Variants in USH2A observed in about 807,000 individuals in gnomAD.
USH2A encodes the protein usherin, also known as Usher syndrome 2A (autosomal recessive, mild).
USH2A carries 443 observed loss-of-function variants against 538.9 expected under a neutral mutation model. The observed-to-expected ratio is 0.82, with a 90% CI of 0.76 to 0.89. USH2A has a LOEUF of 0.89. USH2A is among the 40% of genes least tolerant of loss of function. USH2A has a pLI of 0.00. For missense variants in USH2A, 6,633 were observed against 6,324.8 expected (o/e 1.05, Z -1.65); for synonymous variants, 2,413 against 2,273.5 (o/e 1.06, Z -1.75).
intron 19 of USH2A, among the ~76,000 whole-genome samples, chr1:216,193,488 A>T (rs1042809462): frequency 6.6e-6 from 1 of 152,056 alleles, no homozygotes; most frequent in African/African-American, 2.4e-5. Flanking sequence ...AAAATGGCAA[A>T]CCTATTAGTA....
At chr1:216,374,216 C>A (rs995068500) in intron 3 of USH2A, among the ~76,000 whole-genome samples, 1 of 150,832 alleles carries the variant, frequency 6.6e-6, no homozygotes, top group African/African-American at 2.4e-5. Context: ...AACAAGCCTG[C>A]ACATTGTGCA....
chr1:215,893,717 C>T (rs1665260154), intron 40 of USH2A, among the ~76,000 whole-genome samples: 1 of 152,070 alleles, frequency 6.6e-6, no homozygotes, highest in African/African-American at 2.4e-5. Context: ...ATTACAAGCA[C>T]TCTATATTTG....
intron 44 of USH2A, among the ~76,000 whole-genome samples, chr1:215,848,157 G>A (rs1663916015): frequency 6.6e-6 from 1 of 152,130 alleles, no homozygotes; most frequent in Non-Finnish European, 1.5e-5. Flanking sequence ...TGGGTGTAGT[G>A]AGTGCAAACG....
chr1:215,941,460 G>A (rs972038946), intron 37 of USH2A, among the ~76,000 whole-genome samples: 9 of 151,362 alleles, frequency 5.9e-5, no homozygotes, highest in African/African-American at 2.2e-4. Flanking sequence ...TATTTTTTTT[G>A]CCATTTGGGC....
At chr1:216,272,112 C>T (rs1273701549) in intron 11 of USH2A, among the ~76,000 whole-genome samples, 1 of 152,042 alleles carries the variant, frequency 6.6e-6, no homozygotes, top group Admixed American at 6.6e-5. Flanking sequence ...GTGGCAAATT[C>T]ATTAGTGAAG....
At chr1:216,173,302 T>A (rs1346787647) in intron 21 of USH2A, among the ~76,000 whole-genome samples, 1 of 152,102 alleles carries the variant, frequency 6.6e-6, no homozygotes, top group African/African-American at 2.4e-5. Context: ...ACTTAGTATA[T>A]ACATGGTTAT....
chr1:215,630,520 A>G (rs1193552636), intron 70 of USH2A, among the ~76,000 whole-genome samples: 18 of 112,374 alleles, frequency 1.6e-4, no homozygotes, highest in African/African-American at 4.7e-4. Flanking sequence ...ATATATATAT[A>G]TATATATGAG....
At chr1:216,276,889 T>C (rs2036680378) in intron 11 of USH2A, among the ~76,000 whole-genome samples, 1 of 152,112 alleles carries the variant, frequency 6.6e-6, no homozygotes, top group East Asian at 1.9e-4. Flanking sequence ...CACGTGGGAA[T>C]TATGGGAGCT....
At chr1:216,270,627 T>C (rs926310852) in intron 11 of USH2A, among the ~76,000 whole-genome samples, 3 of 152,132 alleles carry the variant, frequency 2.0e-5, no homozygotes, top group Non-Finnish European at 4.4e-5. Context: ...AACCAGCTAT[T>C]GTATACTGAA....
intron 44 of USH2A, among the ~76,000 whole-genome samples, chr1:215,850,856 CA>C (rs1329269851): frequency 6.6e-6 from 1 of 152,070 alleles, no homozygotes; most frequent in African/African-American, 2.4e-5. Context: ...TTTCAGATCA[CA>C]GTGGAATAAA....
intron 27 of USH2A, among the ~76,000 whole-genome samples, chr1:216,076,382 G>T (rs1229203996): frequency 6.6e-6 from 1 of 151,986 alleles, no homozygotes; most frequent in East Asian, 1.9e-4. Flanking sequence ...TTCCCTTTGG[G>T]TCTATGGTGA....
At chr1:216,048,882 C>G (rs1245097297) in intron 30 of USH2A, among the ~76,000 whole-genome samples, 2 of 152,208 alleles carry the variant, frequency 1.3e-5, no homozygotes, top group African/African-American at 4.8e-5. Flanking sequence ...AAACAGCTCT[C>G]AAACAGCATC....
At chr1:216,042,753 G>A (rs1051313149) in intron 32 of USH2A, among the ~76,000 whole-genome samples, 1 of 152,018 alleles carries the variant, frequency 6.6e-6, no homozygotes, top group African/African-American at 2.4e-5. Flanking sequence ...TCTGTAGATA[G>A]CTAAACTTTA....
intron 37 of USH2A, among the ~76,000 whole-genome samples, chr1:215,939,776 T>C (rs1666591556): frequency 6.6e-6 from 1 of 152,118 alleles, no homozygotes; most frequent in African/African-American, 2.4e-5. Flanking sequence ...AATTTTTTTT[T>C]CTCTGTGCTG....
intron 60 of USH2A, among the ~76,000 whole-genome samples, chr1:215,736,274 A>C (rs1053116775): frequency 6.6e-6 from 1 of 152,080 alleles, no homozygotes; most frequent in Non-Finnish European, 1.5e-5. Flanking sequence ...CATTCCTTGA[A>C]TCCTATGCTT....
At chr1:215,687,122 C>T (rs12123457) in intron 61 of USH2A, among the ~76,000 whole-genome samples, 30,541 of 151,912 alleles carry the variant, frequency 0.2, 3,341 homozygotes, top group Non-Finnish European at 0.23. Context: ...ACACTATTGA[C>T]GACTGGGTAA....
At chr1:215,720,269 C>T (rs1212807811) in intron 61 of USH2A, among the ~76,000 whole-genome samples, 1 of 152,134 alleles carries the variant, frequency 6.6e-6, no homozygotes, top group African/African-American at 2.4e-5. Context: ...CTCCACACTC[C>T]CCTTTCAAGG....
chr1:215,856,565 T>G (rs1224704853), intron 44 of USH2A, among the ~76,000 whole-genome samples: 1 of 152,172 alleles, frequency 6.6e-6, no homozygotes. Flanking sequence ...TTGGCATAGA[T>G]GTGATACAAA....
intron 11 of USH2A, among the ~76,000 whole-genome samples, chr1:216,255,940 C>T (rs114036714): frequency 0.026 from 4,008 of 152,150 alleles, 171 homozygotes; most frequent in African/African-American, 0.086. Context: ...TTGTTATGTC[C>T]TATTGACAAA....
Sources: gnomAD v4.1 joint callset for allele counts (sites outside exome capture counted in the v4.1 genomes callset) on GRCh38, gnomAD v4.1.1 for gene constraint, MANE v1.5 for transcripts, NCBI Gene and HGNC (gene_info 2026-07-23, HGNC 2026-07-21) for gene names.